The following ITGA9 variants were observed in gnomAD, a reference collection of about 807,000 sequenced individuals.
ITGA9 encodes the protein integrin subunit alpha 9.
A neutral mutation model predicts 127.8 loss-of-function variants in ITGA9; 56 were observed. The observed-to-expected ratio is 0.44, with a 90% confidence interval of 0.35 to 0.55. The LOEUF (loss-of-function observed/expected upper bound fraction) is 0.55, where lower values mean the gene tolerates loss of function less well. Ranked by LOEUF, ITGA9 falls within the 20% of genes least tolerant of loss-of-function variation. The pLI is 0.00. For missense variants in ITGA9, 1,196 were observed against 1,347.1 expected, an observed-to-expected ratio of 0.89 and a Z score of 1.76; for synonymous variants, 508 against 514.5, an observed-to-expected ratio of 0.99 and a Z score of 0.17.
intron 23 of ITGA9, among the ~76,000 whole-genome samples, chr3:37,762,457 G>C (rs984043872): frequency 6.6e-6 from 1 of 152,170 alleles, no homozygotes; most frequent in Non-Finnish European, 1.5e-5. Flanking sequence ...AGGAGGCTTG[G>C]CTAGCAAAGG....
At chr3:37,779,541 A>G (rs986612013) in intron 24 of ITGA9, among the ~76,000 whole-genome samples, 1 of 152,224 alleles carries the variant, frequency 6.6e-6, no homozygotes, top group African/African-American at 2.4e-5. Context: ...CACATAATGT[A>G]GGAAACGTGT....
intron 4 of ITGA9, among the ~76,000 whole-genome samples, chr3:37,491,651 C>A (rs1429338459): frequency 6.6e-6 from 1 of 152,186 alleles, no homozygotes; most frequent in African/African-American, 2.4e-5. Flanking sequence ...GTGGGGCAGC[C>A]CCTTGCCTCT....
intron 16 of ITGA9, among the ~76,000 whole-genome samples, chr3:37,647,619 T>C (rs947682196): frequency 2.0e-5 from 3 of 152,108 alleles, no homozygotes; most frequent in African/African-American, 4.8e-5. Context: ...CATCTCCCCA[T>C]TCCCTACTCC....
chr3:37,712,004 G>C (rs1701084566), intron 18 of ITGA9, among the ~76,000 whole-genome samples: 1 of 152,094 alleles, frequency 6.6e-6, no homozygotes, highest in African/African-American at 2.4e-5. Flanking sequence ...CAGTTCTGAG[G>C]CTCCCCCAGA....
In ITGA9 at chr3:37,814,519, C is replaced by T. The variant is rs1227443642; in HGVS notation, c.3010-4372C>T. 2.0e-5 allele frequency among the ~76,000 whole-genome samples: 3 copies of T among 152,114 alleles called. No homozygotes were observed. The highest frequency in any genetic ancestry group is 2.9e-5 in the Non-Finnish European group (2 of 68,008). ...GGTGGAGGTTGCAGTGAGCCAAGAT[C>T]GTGCCACTGCACTCCAGCCTGGCAA... On this transcript the variant is annotated intron_variant, in intron 27 of 27. Coordinates refer to ENST00000264741, the MANE Select transcript of ITGA9 (RefSeq NM_002207.3). This position sits in a 1 kb window ranked among gnomAD's most constrained non-coding sequence, Gnocchi z 4.3.
chr3:37,585,658 G>A (rs1155742), intron 15 of ITGA9: 145,000 of 512,840 alleles, frequency 0.28, 22,788 homozygotes, highest in East Asian at 0.45. Context: ...TGTGGCTAAA[G>A]AAGTCTCAAC....
chr3:37,538,725 C>T (rs989404537), intron 14 of ITGA9, among the ~76,000 whole-genome samples: 2 of 152,216 alleles, frequency 1.3e-5, no homozygotes, highest in African/African-American at 4.8e-5. Flanking sequence ...CCGCTCAGGG[C>T]TTTGGAATGA....
rs553090451 is a variant in ITGA9, at chr3:37,563,201, T to C, written c.1689+20616T>C. On this transcript the variant is annotated intron_variant, in intron 15 of 27. Transcript: ENST00000264741. ...AATTTTTGTGTGTTGTCCAGGATAG[T>C]TTCAAACAGTTGTGCAAAACAATTC... 6.6e-5 allele frequency among the ~76,000 whole-genome samples: 10 copies of C among 152,342 alleles called. No homozygotes were observed. The East Asian group carries it at 7.7e-4, about 12-fold the overall frequency.
At chr3:37,517,733 T>A in intron 10 of ITGA9, 124 bp downstream of exon 10, 1 of 746,382 alleles carries the variant, frequency 1.3e-6, no homozygotes, top group Admixed American at 2.0e-5. Context: ...CTGATCCCCT[T>A]CGAAGGCCCA....
At chr3:37,716,360 G>GA (rs1033662993) in intron 18 of ITGA9, among the ~76,000 whole-genome samples, 3 of 151,718 alleles carry the variant, frequency 2.0e-5, no homozygotes, top group Non-Finnish European at 4.4e-5. Context: ...GAAGCAGAAC[G>GA]AAAAAATGGT....
At chr3:37,598,567 C>A (rs1699889268) in intron 15 of ITGA9, among the ~76,000 whole-genome samples, 1 of 152,108 alleles carries the variant, frequency 6.6e-6, no homozygotes, top group Non-Finnish European at 1.5e-5. Flanking sequence ...AAGATCTTGG[C>A]ACAGAATGAG....
chr3:37,517,699 T>A (rs1480749731), intron 10 of ITGA9, 90 bp downstream of exon 10: 5 of 914,586 alleles, frequency 5.5e-6, no homozygotes, highest in Admixed American at 2.0e-5. Context: ...ACTGTCCATC[T>A]CTAGTGGCAT....
At chr3:37,690,887 C>A (rs891570397) in intron 18 of ITGA9, among the ~76,000 whole-genome samples, 6 of 152,096 alleles carry the variant, frequency 3.9e-5, no homozygotes, top group Admixed American at 3.3e-4. Context: ...GTTATATAGG[C>A]AGGAGGCAGT....
intron 15 of ITGA9, among the ~76,000 whole-genome samples, chr3:37,566,097 A>G (rs1323918942): frequency 6.6e-6 from 1 of 152,236 alleles, no homozygotes; most frequent in Admixed American, 6.5e-5. Flanking sequence ...TAAGATTCAT[A>G]AGAAGTTATA....
chr3:37,767,357 A>G lies in ITGA9; in HGVS notation c.2542-10035A>G, dbSNP rs532650300. Among the ~76,000 whole-genome samples, 25 of 152,302 alleles carry G rather than the reference A, an allele frequency of 1.6e-4. No individual in the cohort carries two copies. The South Asian group carries it at 5.2e-3, about 32-fold the overall frequency. The stretch of plus-strand genomic sequence containing the variant: ...AGACTCCATACCACTTTTCACAGGG[A>G]TGACTGCCTTAAGGGATGGGGAAAG... On this transcript the variant is annotated intron_variant, in intron 23 of 27. Transcript: ENST00000264741.
chr3:37,532,296 C>T (rs193131609), intron 13 of ITGA9, among the ~76,000 whole-genome samples: 1 of 152,230 alleles, frequency 6.6e-6, no homozygotes, highest in Non-Finnish European at 1.5e-5. Flanking sequence ...TCTTCACTTC[C>T]TTTGTTCACC....
intron 15 of ITGA9, among the ~76,000 whole-genome samples, chr3:37,566,001 C>T (rs1699543053): frequency 6.6e-6 from 1 of 152,246 alleles, no homozygotes; most frequent in Non-Finnish European, 1.5e-5. Context: ...AAGAGTTCCA[C>T]CATGAGCACA....
At chr3:37,566,074 T>C (rs1699543960) in intron 15 of ITGA9, among the ~76,000 whole-genome samples, 1 of 152,220 alleles carries the variant, frequency 6.6e-6, no homozygotes, top group Non-Finnish European at 1.5e-5. Flanking sequence ...TAACTTTTAA[T>C]CTTGAAATAG....
chr3:37,532,041 T>C (rs1398182456), intron 13 of ITGA9, among the ~76,000 whole-genome samples: 1 of 152,138 alleles, frequency 6.6e-6, no homozygotes, highest in Admixed American at 6.5e-5. Flanking sequence ...TGGCCAGGGG[T>C]AAGAGATCCA....
Sources: gnomAD v4.1 joint callset for allele counts (sites outside exome capture counted in the v4.1 genomes callset) on GRCh38, gnomAD v4.1.1 for gene constraint, Gnocchi (gnomAD v3.1) non-coding constraint, MANE v1.5 for transcripts, NCBI Gene and HGNC (gene_info 2026-07-23, HGNC 2026-07-21) for gene names.